The following SYN2 variants were observed in gnomAD, a reference collection of about 807,000 sequenced individuals.
SYN2 encodes the protein synapsin-2.
SYN2 carries 19 observed loss-of-function variants against 50.9 expected under a neutral mutation model. The observed-to-expected ratio is 0.37, with a 90% CI of 0.26 to 0.55. The LOEUF is 0.55. Among genes scored for constraint, SYN2 ranks in the 20% least tolerant of loss-of-function variants. The probability of loss-of-function intolerance (pLI) is 0.81; values close to 1 mark genes in which losing one functional copy is unlikely to be tolerated. For synonymous variants in SYN2, 255 were observed against 224.9 expected (o/e 1.13, Z -1.20); for missense variants, 587 against 576.4 (o/e 1.02, Z -0.19).
At chr3:12,121,041 A>G (rs1323425683) in intron 1 of SYN2, among the ~76,000 whole-genome samples, 1 of 152,200 alleles carries the variant, frequency 6.6e-6, no homozygotes, top group Non-Finnish European at 1.5e-5. Flanking sequence ...TACACATACC[A>G]TAGTGTTTCT....
At chr3:12,015,468 A>C (rs186118248) in intron 1 of SYN2, among the ~76,000 whole-genome samples, 1 of 152,316 alleles carries the variant, frequency 6.6e-6, no homozygotes, top group African/African-American at 2.4e-5. Flanking sequence ...GAAAATATCA[A>C]TGATGAGCAA....
In SYN2 at chr3:12,048,270, C is replaced by T. The variant is rs531605521; in HGVS notation, c.377+43342C>T. On this transcript the variant is annotated intron_variant, in intron 1 of 12. Transcript: ENST00000621198. Reference sequence around the variant, plus strand: ...GCTCACTGCAGCCATCGGACTCAAGCGATCCTCCCACCTCAGCCTCCCGAG... The same window carrying T: ...GCTCACTGCAGCCATCGGACTCAAGTGATCCTCCCACCTCAGCCTCCCGAG... Among the ~76,000 whole-genome samples, 32 of 152,274 alleles carry T rather than the reference C, an allele frequency of 2.1e-4. No individual in the cohort carries two copies. The South Asian group carries it at 5.4e-3, about 26-fold the overall frequency.
At chr3:12,141,406 T>G (rs929189869) in intron 2 of SYN2, among the ~76,000 whole-genome samples, 1 of 152,344 alleles carries the variant, frequency 6.6e-6, no homozygotes, top group Admixed American at 6.5e-5. Context: ...TGATAAAAAT[T>G]ATTCCCATTT....
chr3:12,177,876 TAGGTTATGGGAGGGCCC>T (rs1698120079), intron 10 of SYN2, among the ~76,000 whole-genome samples: 2 of 152,208 alleles, frequency 1.3e-5, no homozygotes, highest in South Asian at 4.1e-4. Flanking sequence ...TCTTGGGTTC[TAGGTTATGGGAGGGCCC>T]CACTCCAGGA....
intron 1 of SYN2, among the ~76,000 whole-genome samples, chr3:12,123,778 A>G (rs920950202): frequency 1.3e-5 from 2 of 152,134 alleles, no homozygotes; most frequent in South Asian, 2.1e-4. Flanking sequence ...TGGGAGGTCA[A>G]GGCAAATGGG....
At chr3:12,044,666 G>A (rs1046026180) in intron 1 of SYN2, among the ~76,000 whole-genome samples, 2 of 152,108 alleles carry the variant, frequency 1.3e-5, no homozygotes, top group South Asian at 2.1e-4. Flanking sequence ...CAAGCAGTTA[G>A]CATCCCTCTT....
At chr3:12,034,486 A>T (rs939078211) in intron 1 of SYN2, among the ~76,000 whole-genome samples, 1 of 152,216 alleles carries the variant, frequency 6.6e-6, no homozygotes, top group Admixed American at 6.5e-5. Context: ...ACAGAATATT[A>T]CAGACTGAGG....
chr3:12,088,326 T>G (rs1695754967), intron 1 of SYN2, among the ~76,000 whole-genome samples: 1 of 152,038 alleles, frequency 6.6e-6, no homozygotes, highest in East Asian at 1.9e-4. Context: ...ATATCTCTAA[T>G]CATCAGGGAA....
At chr3:12,051,036 C>CT (rs995091116) in intron 1 of SYN2, among the ~76,000 whole-genome samples, 7 of 151,646 alleles carry the variant, frequency 4.6e-5, no homozygotes, top group African/African-American at 9.7e-5. Flanking sequence ...CGCCCGGCCT[C>CT]TTTTTTTTAT....
intron 1 of SYN2, among the ~76,000 whole-genome samples, chr3:12,045,406 GA>G (rs1452816629): frequency 1.3e-5 from 2 of 152,188 alleles, no homozygotes; most frequent in Non-Finnish European, 2.9e-5. Flanking sequence ...GAGATGGTAA[GA>G]ATGAATGAGG....
intron 1 of SYN2, among the ~76,000 whole-genome samples, chr3:12,084,652 A>G (rs1394986040): frequency 6.6e-6 from 1 of 152,226 alleles, no homozygotes; most frequent in Admixed American, 6.5e-5. Context: ...ATGACAGTGG[A>G]AAATCAATTA....
intron 1 of SYN2, among the ~76,000 whole-genome samples, chr3:12,124,532 G>A (rs1027238543): frequency 2.6e-5 from 4 of 152,146 alleles, no homozygotes; most frequent in African/African-American, 9.7e-5. Flanking sequence ...AGCATTACTT[G>A]CAATAAGAAA....
intron 1 of SYN2, among the ~76,000 whole-genome samples, chr3:12,101,835 TTCCTTTTAGG>T (rs1696083935): frequency 6.6e-6 from 1 of 152,166 alleles, no homozygotes. Flanking sequence ...ATGTATCCAG[TTCCTTTTAGG>T]ATGTTGGCAA....
intron 1 of SYN2, among the ~76,000 whole-genome samples, chr3:12,058,342 G>A (rs1333408047): frequency 1.3e-5 from 2 of 152,130 alleles, no homozygotes; most frequent in African/African-American, 4.8e-5. Context: ...ATGCTATTAT[G>A]CTGTGTGTAT....
chr3:12,008,856 G>A (rs1193437429), intron 1 of SYN2, among the ~76,000 whole-genome samples: 1 of 152,194 alleles, frequency 6.6e-6, no homozygotes, highest in Non-Finnish European at 1.5e-5. Flanking sequence ...CCAGACAGTG[G>A]ATAGCATAAG....
intron 1 of SYN2, among the ~76,000 whole-genome samples, chr3:12,025,288 A>G (rs1694232729): frequency 6.6e-6 from 1 of 152,174 alleles, no homozygotes; most frequent in African/African-American, 2.4e-5. Context: ...GAGTGACACA[A>G]ACATTCAGTC....
At chr3:12,058,148 T>C (rs1490541327) in intron 1 of SYN2, among the ~76,000 whole-genome samples, 1 of 152,230 alleles carries the variant, frequency 6.6e-6, no homozygotes, top group Non-Finnish European at 1.5e-5. Context: ...AAGTAGGCCA[T>C]CTGGAGGTTG....
At chr3:12,170,745 T>G (rs1279302670) in intron 10 of SYN2, among the ~76,000 whole-genome samples, 3 of 152,218 alleles carry the variant, frequency 2.0e-5, no homozygotes, top group Non-Finnish European at 2.9e-5. Flanking sequence ...CCTTTCTTGG[T>G]CTCAAGTTTT....
chr3:12,077,901 C>T (rs1314398816), intron 1 of SYN2, among the ~76,000 whole-genome samples: 1 of 152,162 alleles, frequency 6.6e-6, no homozygotes, highest in Non-Finnish European at 1.5e-5. Context: ...GGCATACCAT[C>T]TTCCACAATG....
Sources: allele counts gnomAD v4.1 joint callset (sites outside exome capture counted in the v4.1 genomes callset), GRCh38; gene constraint gnomAD v4.1.1; transcripts MANE v1.5; gene names NCBI Gene and HGNC (gene_info 2026-07-23, HGNC 2026-07-21).